BAG1: variants seen among roughly 807,000 people sequenced by gnomAD.
BAG1 encodes the protein BAG cochaperone 1.
A neutral mutation model predicts 35.5 loss-of-function variants in BAG1; 35 were observed. The observed-to-expected ratio is 0.99, with a 90% CI of 0.75 to 1.31. The LOEUF is 1.31. BAG1 is among the 50% of genes most tolerant of loss of function. BAG1 has a pLI of 0.00. For missense variants in BAG1, 464 were observed against 453.6 expected (o/e 1.02, Z -0.21); for synonymous variants, 191 against 178.9 (o/e 1.07, Z -0.54).
In BAG1 at chr9:33,264,592, C is replaced by G; in HGVS notation, c.83G>C (p.Arg28Pro). 7.2e-7 allele frequency: 1 copy of G among 1,391,028 alleles called. No individual in the cohort carries two copies. Among genetic ancestry groups the G allele is most frequent in the South Asian group, 1.6e-5 (1 of 61,358 alleles). 86.2% of individuals were successfully genotyped at this position (1,391,028 alleles called of 1,614,324 possible). The change falls in exon 1 of 7, where the codon CGG becomes CCG. Residue 28 changes from arginine (R) to proline (P), a missense_variant. By Grantham distance (103) the Arg-to-Pro change is moderately radical (BLOSUM62 -2). Transcript: ENST00000634734. ...CGGGGGCTCCGACTGGCGCGGCTCCCGGCCTGGCCGAAGGGCGCGCAGCCG... is the reference window on the plus strand; with the variant it reads ...CGGGGGCTCCGACTGGCGCGGCTCCGGGCCTGGCCGAAGGGCGCGCAGCCG...
Position 33,259,021 on chromosome 9 carries a change from C to CTGTTGAA in BAG1, c.675_676insTTCAACA (p.Glu226PhefsTer6). On this transcript the variant is annotated frameshift_variant, in exon 4 of 7. Coordinates refer to ENST00000634734, the MANE Select transcript of BAG1 (RefSeq NM_004323.6). LOFTEE classifies it high-confidence loss of function. ...TTCAACTTCTTTAGTTCAACCTCTT[C>CTGTTGAA]CTGTGGACTGTTCTAAAATGTTTAA... is the stretch of plus-strand genomic sequence containing the variant. 6.2e-7 allele frequency: 1 copy of CTGTTGAA among 1,613,794 alleles called. No homozygotes were observed. Among genetic ancestry groups the CTGTTGAA allele is most frequent in the East Asian group, 2.2e-5 (1 of 44,876 alleles).
chr9:33,262,954 A>G (rs922253033), intron 1 of BAG1, 124 bp from the exon 2 acceptor site: 5 of 1,360,880 alleles, frequency 3.7e-6, no homozygotes, highest in Non-Finnish European at 4.9e-6. Context: ...TACTCCACAG[A>G]GCCTGCCCCC....
intron 2 of BAG1, chr9:33,262,109 C>T (rs1208100694): frequency 6.1e-5 from 78 of 1,288,738 alleles, no homozygotes; most frequent in African/African-American, 1.4e-4. Flanking sequence ...TCTAACCTAG[C>T]GAGGGAAGAC....
intron 3 of BAG1, 116 bp from the exon 4 acceptor site, chr9:33,259,149 T>G (rs554105784): frequency 1.4e-6 from 1 of 734,456 alleles, no homozygotes; most frequent in Admixed American, 2.5e-5. Flanking sequence ...TCATTTGAGG[T>G]CAGGAGTTCA....
Position 33,254,473 on chromosome 9 carries a change from C to T in BAG1, c.*746G>A, listed in dbSNP as rs1820406750. On this transcript the variant is annotated 3_prime_UTR_variant, in exon 7 of 7. Coordinates refer to ENST00000634734, the MANE Select transcript of BAG1 (RefSeq NM_004323.6). ...CTGCCTGCTTTACTCATTCTGGTGC[C>T]TTCTCTTTGCCCTTCCTAATCCATG... 1 of 152,968 alleles carries T rather than the reference C, an allele frequency of 6.5e-6. No homozygotes were observed. The highest frequency in any genetic ancestry group is 2.1e-4 in the South Asian group (1 of 4,868). 9.5% of individuals were successfully genotyped at this position (152,968 alleles called of 1,614,324 possible).
rs371141269 is a variant in BAG1, at chr9:33,264,686, T to C, written c.-12A>G. 2.7e-5 allele frequency: 36 copies of C among 1,358,074 alleles called. No homozygotes were observed. The East Asian group carries it at 7.7e-4, about 29-fold the overall frequency. 84.1% of individuals were successfully genotyped at this position (1,358,074 alleles called of 1,614,324 possible). ...CCGCGCTGAGCCAGGCCCGCACTTG[T>C]TGACCGCCCAGCGATGGAAGCTGAG... On this transcript the variant is annotated 5_prime_UTR_variant, in exon 1 of 7. Coordinates refer to ENST00000634734, the MANE Select transcript of BAG1 (RefSeq NM_004323.6).
chr9:33,255,285 T>C lies in BAG1; in HGVS notation c.972A>G (p.Thr324=), dbSNP rs746655235. 2.5e-6 allele frequency: 4 copies of C among 1,614,106 alleles called. No homozygotes were observed. Among genetic ancestry groups the C allele is most frequent in the East Asian group, 4.5e-5 (2 of 44,898 alleles). Residue 324 remains threonine (T), a synonymous_variant, in exon 7 of 7, where the codon ACA becomes ACG. Coordinates refer to ENST00000634734, the MANE Select transcript of BAG1 (RefSeq NM_004323.6). ...TCTCCTGGCAGATGTTCTGCTCCAC[T>C]GTGTCACACTCGGCTAGGAATGCCT...
rs1157326804 is a variant in BAG1 at position 33,253,844 on chromosome 9, TTTAC to T, written c.*1371_*1374del. The stretch of plus-strand genomic sequence containing the variant: ...TTTTTTTTCTTTTTATTTATCTACT[TTTAC>T]TTACTTAAATTTTAGAGATGGGGTC... On this transcript the variant is annotated 3_prime_UTR_variant, in exon 7 of 7. Transcript: ENST00000634734. The T allele has an allele frequency of 2.0e-5, 3 of 152,046 alleles. No homozygotes were observed. The highest frequency in any genetic ancestry group is 2.9e-5 in the Non-Finnish European group (2 of 68,032). 9.4% of individuals were successfully genotyped at this position (152,046 alleles called of 1,614,324 possible).
chr9:33,263,591 G>GA (rs5897540), intron 1 of BAG1, among the ~76,000 whole-genome samples: 149,405 of 152,212 alleles, frequency 0.98, 73,398 homozygotes, highest in East Asian at 1. Flanking sequence ...CGGATTCTTA[G>GA]AAGAAGCCGT....
Position 33,258,922 on chromosome 9 carries a change from G to A in BAG1, c.775C>T (p.Gln259Ter), listed in dbSNP as rs1225193926. ...TTAAGGTCCATGAAGAGAGTTACCTGCTGGATTCCAGTAAGCTCTTTATTC... is the reference window on the plus strand; with the variant it reads ...TTAAGGTCCATGAAGAGAGTTACCTACTGGATTCCAGTAAGCTCTTTATTC... The change falls in exon 4 of 7, where the codon CAG becomes TAG. Residue 259 changes from glutamine to a stop codon, truncating the protein, a stop_gained and splice_region_variant. Transcript: ENST00000634734. LOFTEE classifies it high-confidence loss of function. 1 of 1,612,688 alleles carries A rather than the reference G, an allele frequency of 6.2e-7. No individual in the cohort carries two copies. Among genetic ancestry groups the A allele is most frequent in the African/African-American group, 1.3e-5 (1 of 74,894 alleles).
chr9:33,255,158 C>T lies in BAG1; in HGVS notation c.*61G>A. ...TGAAGAAATCAGGTAAATTCCGCTC[C>T]AGAGACGGCAGAGCTGGTGGCGCCA... On this transcript the variant is annotated 3_prime_UTR_variant, in exon 7 of 7. Transcript: ENST00000634734. The T allele has an allele frequency of 6.2e-7, 1 of 1,614,128 alleles. No individual in the cohort carries two copies. The highest frequency in any genetic ancestry group is 8.5e-7 in the Non-Finnish European group (1 of 1,179,998).
At chr9:33,263,048 C>T (rs1489903050) in intron 1 of BAG1, among the ~76,000 whole-genome samples, 1 of 152,190 alleles carries the variant, frequency 6.6e-6, no homozygotes, top group African/African-American at 2.4e-5. Context: ...ATGATATCTG[C>T]TAACATTTTA....
chr9:33,255,743 A>C (rs1820439196), intron 6 of BAG1, 122 bp downstream of exon 6: 1 of 1,064,480 alleles, frequency 9.4e-7, no homozygotes, highest in Non-Finnish European at 1.4e-6. Flanking sequence ...CTGCTGATAA[A>C]TATAACCAAA....
chr9:33,256,567 G>A (rs1014432215), intron 5 of BAG1, among the ~76,000 whole-genome samples: 5 of 152,208 alleles, frequency 3.3e-5, no homozygotes, highest in African/African-American at 1.2e-4. Flanking sequence ...AAACATAAGT[G>A]TAAATGATAA....
At position 33,254,144 on chromosome 9, in the gene BAG1, A is replaced by AAT. The variant is rs1820397303; in HGVS notation, c.*1074_*1075insAT. ...AGGCACATGCCACTACGCCAAGCTAATTTTTTTTTTTTTTTTTTTTAAAGC... is the reference window on the plus strand; with the variant it reads ...AGGCACATGCCACTACGCCAAGCTAAATTTTTTTTTTTTTTTTTTTTTAAAGC... On this transcript the variant is annotated 3_prime_UTR_variant, in exon 7 of 7. Transcript: ENST00000634734. 1 of 132,278 alleles carries AAT rather than the reference A, an allele frequency of 7.6e-6. No individual in the cohort carries two copies. The highest frequency in any genetic ancestry group is 7.6e-5 in the Admixed American group (1 of 13,170). 8.2% of individuals were successfully genotyped at this position (132,278 alleles called of 1,614,324 possible). A position where few individuals can be genotyped will look rare whatever the true frequency, so the allele number is the denominator to read the frequency against.
chr9:33,256,948 G>C, intron 4 of BAG1, 40 bp from the exon 5 acceptor site: 1 of 1,489,536 alleles, frequency 6.7e-7, no homozygotes, highest in African/African-American at 1.4e-5. Flanking sequence ...GTTCTCTGAG[G>C]CTGACGGAAG....
At chr9:33,256,680 T>C (rs1820459526) in intron 5 of BAG1, 121 bp downstream of exon 5, 2 of 769,672 alleles carry the variant, frequency 2.6e-6, no homozygotes, top group Non-Finnish European at 4.3e-6. Flanking sequence ...CAATAGTAGA[T>C]GCTTAATATT....
Position 33,254,905 on chromosome 9 carries a change from T to C in BAG1, c.*314A>G, listed in dbSNP as rs1344328674. The C allele has an allele frequency of 2.2e-6, 2 of 910,374 alleles. No individual in the cohort carries two copies. Among genetic ancestry groups the C allele is most frequent in the Non-Finnish European group, 3.0e-6 (2 of 659,056 alleles). 56.4% of individuals were successfully genotyped at this position (910,374 alleles called of 1,614,324 possible). A position where few individuals can be genotyped will look rare whatever the true frequency, so the allele number is the denominator to read the frequency against. On this transcript the variant is annotated 3_prime_UTR_variant, in exon 7 of 7. Coordinates refer to ENST00000634734, the MANE Select transcript of BAG1 (RefSeq NM_004323.6). ...AACCTGAAACTGGCCCAAGGCAAAT[T>C]AGAGCTCTCACCAGCCCAAAGAAAG...
intron 1 of BAG1, 75 bp from the exon 2 acceptor site, chr9:33,262,905 T>C: frequency 6.4e-7 from 1 of 1,569,544 alleles, no homozygotes; most frequent in Non-Finnish European, 8.7e-7. Flanking sequence ...TTTATCACAT[T>C]TATTTACCCA....
Sources: allele counts gnomAD v4.1 joint callset (sites outside exome capture counted in the v4.1 genomes callset), GRCh38; gene constraint gnomAD v4.1.1; transcripts MANE v1.5; gene names NCBI Gene and HGNC (gene_info 2026-07-23, HGNC 2026-07-21).